ZNF610: variants seen among roughly 807,000 people sequenced by gnomAD.
ZNF610 encodes the protein zink finger protein.
ZNF610 carries 14 observed loss-of-function variants against 14.1 expected under a neutral mutation model. The observed-to-expected ratio is 0.99, with a 90% confidence interval of 0.65 to 1.55. The LOEUF (loss-of-function observed/expected upper bound fraction) is 1.55, where lower values mean the gene tolerates loss of function less well. Ranked by LOEUF, ZNF610 falls within the 40% of genes most tolerant of loss-of-function variation. The pLI is 0.00. For missense variants in ZNF610, 530 were observed against 558.0 expected, an observed-to-expected ratio of 0.95 and a Z score of 0.51; for synonymous variants, 185 against 187.6, an observed-to-expected ratio of 0.99 and a Z score of 0.11.
In ZNF610 at chr19:52,362,946, TTTC is replaced by T. The variant is rs569582615; in HGVS notation, c.320-2741_320-2739del. 1.4e-4 allele frequency among the ~76,000 whole-genome samples: 22 copies of T among 152,248 alleles called. No homozygotes were observed. The East Asian group carries it at 3.7e-3, about 25-fold the overall frequency. ...GGCTATAGTGATGTTTGAGTCCTGT[TTTC>T]TTCTTCTTCTCTTTGATTTTTATTT... On this transcript the variant is annotated intron_variant, in intron 5 of 5. Transcript: ENST00000403906.
intron 3 of ZNF610, among the ~76,000 whole-genome samples, chr19:52,352,175 G>C (rs373658847): frequency 3.3e-5 from 5 of 152,128 alleles, no homozygotes; most frequent in African/African-American, 1.2e-4. Flanking sequence ...GGGAGAGGTA[G>C]GATGTTTCTT....
At chr19:52,346,217 C>G (rs1417899612) in intron 1 of ZNF610, among the ~76,000 whole-genome samples, 2 of 150,490 alleles carry the variant, frequency 1.3e-5, no homozygotes, top group South Asian at 2.1e-4. Flanking sequence ...TAGAGTCTCT[C>G]TCTGTTGCCC....
At chr19:52,352,130 G>A (rs188795673) in intron 3 of ZNF610, among the ~76,000 whole-genome samples, 1 of 152,298 alleles carries the variant, frequency 6.6e-6, no homozygotes, top group East Asian at 1.9e-4. Flanking sequence ...GGTCTGGAGT[G>A]TCTTTTAGTT....
Position 52,366,891 on chromosome 19 carries a change from C to A in ZNF610, c.*124C>A. On this transcript the variant is annotated 3_prime_UTR_variant, in exon 6 of 6. Transcript: ENST00000403906. ...TTTGCATTGAAGCCTCATCACTCAT[C>A]TCTTGATCCACACTGAAAGGAAACC... 1.4e-6 allele frequency: 1 copy of A among 692,474 alleles called. No homozygotes were observed. The highest frequency in any genetic ancestry group is 2.0e-5 in the South Asian group (1 of 50,152). 42.9% of individuals were successfully genotyped at this position (692,474 alleles called of 1,614,324 possible).
At chr19:52,362,490 G>T (rs555050246) in intron 5 of ZNF610, among the ~76,000 whole-genome samples, 2 of 152,338 alleles carry the variant, frequency 1.3e-5, no homozygotes, top group African/African-American at 4.8e-5. Flanking sequence ...CTGGCTTGAA[G>T]TACTCCTCAT....
At chr19:52,350,857 G>A (rs760593319) in intron 3 of ZNF610, among the ~76,000 whole-genome samples, 2 of 150,942 alleles carry the variant, frequency 1.3e-5, no homozygotes, top group East Asian at 2.0e-4. Context: ...AAAATGAGTC[G>A]GGCATGGTGG....
intron 5 of ZNF610, among the ~76,000 whole-genome samples, chr19:52,358,749 C>T (rs576246043): frequency 6.6e-6 from 1 of 152,244 alleles, no homozygotes; most frequent in African/African-American, 2.4e-5. Flanking sequence ...ATGAAGCTTT[C>T]CACCTGATTT....
intron 1 of ZNF610, among the ~76,000 whole-genome samples, chr19:52,337,143 T>C (rs990622324): frequency 2.7e-5 from 4 of 150,814 alleles, no homozygotes; most frequent in African/African-American, 9.8e-5. Flanking sequence ...TGAAGCAAGA[T>C]TGGGAGAGGG....
chr19:52,353,828 A>G lies in ZNF610; in HGVS notation c.190+20A>G. ...TTCTGGGTGAGGATGACTTCCCTCC[A>G]GAAGCCGGGATCTGCTCTAATCTGT... is the stretch of plus-strand genomic sequence containing the variant. On this transcript the variant is annotated intron_variant, in intron 4 of 5. Transcript: ENST00000403906. The G allele has an allele frequency of 6.2e-7, 1 of 1,604,388 alleles. No individual in the cohort carries two copies. The highest frequency in any genetic ancestry group is 8.5e-7 in the Non-Finnish European group (1 of 1,177,024).
intron 1 of ZNF610, chr19:52,344,061 A>G (rs962018779): frequency 3.9e-5 from 6 of 152,134 alleles, no homozygotes; most frequent in Non-Finnish European, 8.8e-5. Flanking sequence ...GGGGGCTGCT[A>G]AGGGGTGATG....
upstream of ZNF610, among the ~76,000 whole-genome samples, chr19:52,335,900 A>G (rs1469567455): frequency 6.6e-6 from 1 of 152,182 alleles, no homozygotes; most frequent in Non-Finnish European, 1.5e-5. Context: ...CACTGGGTCT[A>G]CACTACGCCC....
chr19:52,349,366 T>C (rs1471746450), intron 3 of ZNF610, 131 bp downstream of exon 3: 5 of 1,358,998 alleles, frequency 3.7e-6, no homozygotes, highest in Non-Finnish European at 5.2e-6. Flanking sequence ...AGATTCTATC[T>C]CTCGTGACCC....
chr19:52,342,329 G>A (rs956838515), intron 1 of ZNF610, among the ~76,000 whole-genome samples: 3 of 151,788 alleles, frequency 2.0e-5, no homozygotes, highest in African/African-American at 4.8e-5. Context: ...TCTTCCTCTA[G>A]GAAGTACCCC....
At chr19:52,350,136 T>A (rs1985180622) in intron 3 of ZNF610, among the ~76,000 whole-genome samples, 1 of 152,182 alleles carries the variant, frequency 6.6e-6, no homozygotes, top group Admixed American at 6.5e-5. Flanking sequence ...GAGCATAAAT[T>A]TTTTGTCATT....
At chr19:52,351,513 T>C (rs543072756) in intron 3 of ZNF610, among the ~76,000 whole-genome samples, 2 of 151,582 alleles carry the variant, frequency 1.3e-5, no homozygotes, top group African/African-American at 4.8e-5. Flanking sequence ...CCTGGCGTGG[T>C]TCAGGGACCA....
At chr19:52,361,242 G>A (rs1210732978) in intron 5 of ZNF610, among the ~76,000 whole-genome samples, 2 of 150,578 alleles carry the variant, frequency 1.3e-5, no homozygotes, top group South Asian at 2.1e-4. Context: ...GCACTGGCGC[G>A]ATCTCGGCTC....
At chr19:52,338,180 G>A (rs1270624074) in intron 1 of ZNF610, among the ~76,000 whole-genome samples, 1 of 152,232 alleles carries the variant, frequency 6.6e-6, no homozygotes, top group African/African-American at 2.4e-5. Flanking sequence ...CCACTTGCAA[G>A]TCCTGGGTTG....
intron 1 of ZNF610, among the ~76,000 whole-genome samples, chr19:52,336,972 T>C (rs1458647881): frequency 6.6e-6 from 1 of 151,770 alleles, no homozygotes; most frequent in East Asian, 1.9e-4. Flanking sequence ...TGGCAGGAAA[T>C]AGAAAAATTT....
chr19:52,366,117 C>G lies in ZNF610; in HGVS notation c.739C>G (p.Leu247Val). 4 of 1,614,004 alleles carry G rather than the reference C, an allele frequency of 2.5e-6. No homozygotes were observed. Among genetic ancestry groups the G allele is most frequent in the Middle Eastern group, 1.6e-4 (1 of 6,062 alleles). The change falls in exon 6 of 6, where the codon CTT becomes GTT. Residue 247 changes from leucine (L) to valine (V), a missense_variant. By Grantham distance (32) the Leu-to-Val change is conservative. Coordinates refer to ENST00000403906, the MANE Select transcript of ZNF610 (RefSeq NM_001161425.2). ...CAAGGTCTTCAGTCGCAATTCACAC[C>G]TTGTAGAACATTGGAGAATTCATAC... ...CGKVFSRNSH[L>V]VEHWRIHTGQ...
Sources: gnomAD v4.1 joint callset for allele counts (sites outside exome capture counted in the v4.1 genomes callset) on GRCh38, gnomAD v4.1.1 for gene constraint, MANE v1.5 for transcripts, NCBI Gene and HGNC (gene_info 2026-07-23, HGNC 2026-07-21) for gene names.